The following CPEB3 variants were observed in gnomAD, a reference collection of about 807,000 sequenced individuals.
The protein encoded by CPEB3 is cytoplasmic polyadenylation element-binding protein 3.
In CPEB3, 20 loss-of-function variants were observed where a neutral mutation model predicts 67.2. That is an observed-to-expected ratio of 0.30 (90% CI 0.21 to 0.43). CPEB3 has a LOEUF of 0.43. Among genes scored for constraint, CPEB3 ranks in the 20% least tolerant of loss-of-function variants. CPEB3 has a pLI of 1.00. For missense variants in CPEB3, 746 were observed against 968.6 expected, an observed-to-expected ratio of 0.77 and a Z score of 3.05; for synonymous variants, 376 against 393.1, an observed-to-expected ratio of 0.96 and a Z score of 0.51.
chr10:92,251,325 C>T (rs1252563751), intron 1 of CPEB3, among the ~76,000 whole-genome samples: 1 of 152,158 alleles, frequency 6.6e-6, no homozygotes, highest in Non-Finnish European at 1.5e-5. Flanking sequence ...CTCCTTCCTT[C>T]ATGCTGTCCT....
chr10:92,172,294 AC>A (rs1848039240), intron 4 of CPEB3, among the ~76,000 whole-genome samples: 2 of 152,160 alleles, frequency 1.3e-5, no homozygotes, highest in African/African-American at 4.8e-5. Flanking sequence ...AAACAAGACA[AC>A]AACAACAAAA....
rs373231138 is a variant in CPEB3, at chr10:92,100,416, G to A, written c.1573-8472C>T. ...AGTCTCTCAAGTAGCTGAGATTACC[G>A]GCATGCGCCACCACGCCCCACTAAT... On this transcript the variant is annotated intron_variant, in intron 7 of 9. Transcript: ENST00000265997. Among the ~76,000 whole-genome samples the A allele has an allele frequency of 3.3e-5, 5 of 152,118 alleles. No homozygotes were observed. The East Asian group carries it at 7.8e-4, about 24-fold the overall frequency.
At chr10:92,246,450 C>A (rs1852072956) in intron 1 of CPEB3, among the ~76,000 whole-genome samples, 1 of 152,006 alleles carries the variant, frequency 6.6e-6, no homozygotes, top group Admixed American at 6.6e-5. Context: ...AATAATCCTT[C>A]ATAACATCCT....
chr10:92,154,465 C>CT, intron 4 of CPEB3, among the ~76,000 whole-genome samples: 1 of 152,324 alleles, frequency 6.6e-6, no homozygotes, highest in South Asian at 2.1e-4. Context: ...TGCTAAGAGT[C>CT]TACCTTCAAT....
chr10:92,280,367 A>AAAAAAG (rs1842216508), intron 1 of CPEB3, among the ~76,000 whole-genome samples: 1 of 129,386 alleles, frequency 7.7e-6, no homozygotes, highest in Non-Finnish European at 1.6e-5. Flanking sequence ...AAAAAAAAAA[A>AAAAAAG]AGAGAGAGAG....
intron 4 of CPEB3, among the ~76,000 whole-genome samples, chr10:92,174,181 C>T (rs1197164451): frequency 6.6e-6 from 1 of 152,212 alleles, no homozygotes; most frequent in Non-Finnish European, 1.5e-5. Context: ...GTGCTCAGCT[C>T]CCTCTCTGCC....
At chr10:92,217,039 T>TG (rs1256903476) in intron 2 of CPEB3, among the ~76,000 whole-genome samples, 2 of 104,552 alleles carry the variant, frequency 1.9e-5, no homozygotes, top group African/African-American at 7.3e-5. Flanking sequence ...ATGCTAAGAC[T>TG]AAAAAAAAAA....
intron 6 of CPEB3, among the ~76,000 whole-genome samples, chr10:92,124,631 G>C (rs1199547179): frequency 6.6e-6 from 1 of 151,930 alleles, no homozygotes; most frequent in Non-Finnish European, 1.5e-5. Flanking sequence ...AAGGAAGACA[G>C]AATGTTACTC....
rs149743061 is a variant in CPEB3 at position 92,217,487 on chromosome 10, C to A, written c.1005+21859G>T. 1.6e-3 allele frequency among the ~76,000 whole-genome samples: 247 copies of A among 152,228 alleles called. 1 individual carries two copies. Among genetic ancestry groups the A allele is most frequent in the Non-Finnish European group, 2.9e-3 (194 of 68,010 alleles). Reference sequence around the variant, plus strand: ...ATTAAATTCATATTAACAAGCTGGGCGTGGTGGCTCATGCCTGTAATCCCA... The same window carrying A: ...ATTAAATTCATATTAACAAGCTGGGAGTGGTGGCTCATGCCTGTAATCCCA... On this transcript the variant is annotated intron_variant, in intron 2 of 9. Coordinates refer to ENST00000265997, the MANE Select transcript of CPEB3 (RefSeq NM_014912.5).
intron 6 of CPEB3, chr10:92,137,999 CAAA>C: frequency 7.2e-6 from 1 of 139,106 alleles, no homozygotes; most frequent in Non-Finnish European, 1.6e-5. Flanking sequence ...GACTCTGTCT[CAAA>C]AAAAAAAAGA....
intron 1 of CPEB3, among the ~76,000 whole-genome samples, chr10:92,256,208 G>C (rs993066320): frequency 2.6e-5 from 4 of 151,654 alleles, no homozygotes; most frequent in Non-Finnish European, 4.4e-5. Flanking sequence ...TTCACAACCA[G>C]TATAATACTG....
intron 9 of CPEB3, among the ~76,000 whole-genome samples, chr10:92,067,956 C>T (rs1210205011): frequency 6.6e-6 from 1 of 152,134 alleles, no homozygotes; most frequent in Non-Finnish European, 1.5e-5. Flanking sequence ...TTTTAAAAAT[C>T]AGAGGGGAAA....
At chr10:92,279,405 G>A (rs187900071) in intron 1 of CPEB3, among the ~76,000 whole-genome samples, 1 of 152,186 alleles carries the variant, frequency 6.6e-6, no homozygotes, top group Non-Finnish European at 1.5e-5. Flanking sequence ...TGAGTTCTGG[G>A]TAACTCACAA....
At chr10:92,242,139 T>C (rs1851877759) in intron 1 of CPEB3, among the ~76,000 whole-genome samples, 3 of 152,246 alleles carry the variant, frequency 2.0e-5, no homozygotes, top group African/African-American at 7.2e-5. Flanking sequence ...GGTTCATTAG[T>C]ATCTTTTATT....
At chr10:92,277,323 G>A (rs533281052) in intron 1 of CPEB3, among the ~76,000 whole-genome samples, 1 of 152,302 alleles carries the variant, frequency 6.6e-6, no homozygotes, top group African/African-American at 2.4e-5. Flanking sequence ...TGTTTCTGAT[G>A]TGGGTAGGGA....
chr10:92,213,105 A>G (rs907041570), intron 2 of CPEB3, among the ~76,000 whole-genome samples: 10 of 152,036 alleles, frequency 6.6e-5, no homozygotes, highest in Non-Finnish European at 1.5e-4. Context: ...CATTTTACCA[A>G]TCCCCACCCA....
intron 7 of CPEB3, among the ~76,000 whole-genome samples, chr10:92,101,666 G>T (rs1217702212): frequency 6.6e-6 from 1 of 152,138 alleles, no homozygotes; most frequent in African/African-American, 2.4e-5. Context: ...CAGCACTTTG[G>T]GAGGCCAAGG....
chr10:92,240,199 C>A lies in CPEB3; in HGVS notation c.152G>T (p.Ser51Ile). The A allele has an allele frequency of 6.6e-7, 1 of 1,516,702 alleles. No individual in the cohort carries two copies. The highest frequency in any genetic ancestry group is 8.9e-7 in the Non-Finnish European group (1 of 1,129,930). 94.0% of individuals were successfully genotyped at this position (1,516,702 alleles called of 1,614,324 possible). ...GGCTGGGCTGAGGGCCGGCACTGCGCTGTTTTCCTCCGGCTTGGGGGTCTC... is the reference window on the plus strand; with the variant it reads ...GGCTGGGCTGAGGGCCGGCACTGCGATGTTTTCCTCCGGCTTGGGGGTCTC... ...SSETPKPEENSAVPALSPAAA... is the reference protein window; with the variant it reads ...SSETPKPEENIAVPALSPAAA... The change falls in exon 2 of 10, where the codon AGC becomes ATC. Residue 51 changes from serine (S) to isoleucine (I), a missense_variant. Physicochemically the swap from Ser to Ile is moderately radical, Grantham distance 142. Coordinates refer to ENST00000265997, the MANE Select transcript of CPEB3 (RefSeq NM_014912.5).
intron 2 of CPEB3, among the ~76,000 whole-genome samples, chr10:92,227,187 G>A (rs1287496106): frequency 6.6e-6 from 1 of 152,218 alleles, no homozygotes; most frequent in Non-Finnish European, 1.5e-5. Flanking sequence ...CTGAGGTAGG[G>A]AGAGCGGAGG....
Sources: allele counts gnomAD v4.1 joint callset (sites outside exome capture counted in the v4.1 genomes callset), GRCh38; gene constraint gnomAD v4.1.1; transcripts MANE v1.5; gene names NCBI Gene and HGNC (gene_info 2026-07-23, HGNC 2026-07-21).